The following RRN3 variants were observed in gnomAD, a reference collection of about 807,000 sequenced individuals.
RRN3 encodes the protein RNA polymerase I transcription factor RRN3.
RRN3 carries 38 observed loss-of-function variants against 82.3 expected under a neutral mutation model. The ratio of observed to expected loss-of-function variants is 0.46; its 90% confidence interval spans 0.36 to 0.61. RRN3 has a LOEUF of 0.61. Ranked by LOEUF, RRN3 falls within the 20% of genes least tolerant of loss-of-function variation. RRN3 has a pLI of 0.00. For missense variants in RRN3, 726 were observed against 793.1 expected, an observed-to-expected ratio of 0.92 and a Z score of 1.02; for synonymous variants, 284 against 284.3, an observed-to-expected ratio of 1.00 and a Z score of 0.01.
chr16:15,067,119 T>C (rs1173238583), intron 15 of RRN3, among the ~76,000 whole-genome samples: 2 of 149,732 alleles, frequency 1.3e-5, no homozygotes, highest in African/African-American at 4.9e-5. Flanking sequence ...TCCTTTACTA[T>C]CACTGAGACT....
At chr16:15,092,658 T>A (rs755134010) in intron 1 of RRN3, 44 bp from the exon 2 acceptor site, 22 of 1,201,300 alleles carry the variant, frequency 1.8e-5, no homozygotes, top group East Asian at 4.7e-5. Flanking sequence ...ATGAAAATAA[T>A]AAAAATTATA....
chr16:15,078,872 C>T (rs1180702488), intron 9 of RRN3, among the ~76,000 whole-genome samples: 8 of 148,346 alleles, frequency 5.4e-5, no homozygotes, highest in African/African-American at 1.3e-4. Context: ...AGCGGAGTGG[C>T]GCAATCTCGG....
chr16:15,079,400 C>T (rs1370638462), intron 9 of RRN3, among the ~76,000 whole-genome samples: 2 of 152,184 alleles, frequency 1.3e-5, no homozygotes, highest in Non-Finnish European at 1.5e-5. Flanking sequence ...TTCCTGACCC[C>T]ACTGTGATTC....
At chr16:15,075,007 T>C (rs1011072376) in intron 10 of RRN3, 146 bp from the exon 11 acceptor site, 1 of 794,888 alleles carries the variant, frequency 1.3e-6, no homozygotes, top group East Asian at 2.8e-5. Flanking sequence ...CCCAGCACTT[T>C]GGGAAGCAGA....
intron 10 of RRN3, among the ~76,000 whole-genome samples, chr16:15,075,435 C>T (rs1409089964): frequency 1.3e-5 from 2 of 151,394 alleles, no homozygotes; most frequent in East Asian, 2.0e-4. Flanking sequence ...TAGCTGGGTG[C>T]GGTGGTACAC....
intron 9 of RRN3, 45 bp from the exon 10 acceptor site, chr16:15,076,695 T>C (rs2045470899): frequency 3.0e-6 from 4 of 1,339,618 alleles, no homozygotes; most frequent in Non-Finnish European, 4.3e-6. Context: ...ATTTAAAAAA[T>C]ACAACTATGT....
intron 9 of RRN3, among the ~76,000 whole-genome samples, chr16:15,077,554 T>C (rs2045513593): frequency 6.6e-6 from 1 of 152,016 alleles, no homozygotes; most frequent in African/African-American, 2.4e-5. Context: ...ATTAAACCTC[T>C]TTTTTGGCCA....
At chr16:15,080,819 T>G (rs2045666044) in intron 8 of RRN3, among the ~76,000 whole-genome samples, 2 of 75,642 alleles carry the variant, frequency 2.6e-5, no homozygotes, top group Admixed American at 3.7e-4. Flanking sequence ...AGTCTTTCTA[T>G]GAATCTGCCT....
In RRN3 at chr16:15,094,240, G is replaced by A. The variant is rs1200858510; in HGVS notation, c.-7C>T. 3.8e-6 allele frequency: 6 copies of A among 1,571,536 alleles called. No individual in the cohort carries two copies. Among genetic ancestry groups the A allele is most frequent in the Admixed American group, 1.9e-5 (1 of 53,790 alleles). ...GAAGCAGCGGTGCCGCCATTGGGCCGAACTAACGCGACCGCTGCGCCTCAG... is the reference window on the plus strand; with the variant it reads ...GAAGCAGCGGTGCCGCCATTGGGCCAAACTAACGCGACCGCTGCGCCTCAG... On this transcript the variant is annotated 5_prime_UTR_variant, in exon 1 of 18. Coordinates refer to ENST00000198767, the MANE Select transcript of RRN3 (RefSeq NM_018427.5).
intron 12 of RRN3, among the ~76,000 whole-genome samples, chr16:15,072,561 C>T (rs28447430): frequency 5.3e-5 from 8 of 152,018 alleles, no homozygotes; most frequent in Non-Finnish European, 1.0e-4. Flanking sequence ...CAACGCTTTG[C>T]GGGGCAGGAG....
At chr16:15,073,832 T>C (rs982024634) in intron 11 of RRN3, among the ~76,000 whole-genome samples, 2 of 152,148 alleles carry the variant, frequency 1.3e-5, no homozygotes, top group African/African-American at 4.8e-5. Context: ...TTGCCCAGGA[T>C]AGTTAGTCTT....
chr16:15,086,551 G>C, intron 3 of RRN3, 97 bp from the exon 4 acceptor site: 1 of 1,530,920 alleles, frequency 6.5e-7, no homozygotes, highest in Non-Finnish European at 8.8e-7. Context: ...AGAATAGGTT[G>C]GGGGGAAAAG....
chr16:15,066,959 G>C (rs1385597252), intron 15 of RRN3, among the ~76,000 whole-genome samples: 1 of 151,648 alleles, frequency 6.6e-6, no homozygotes, highest in African/African-American at 2.4e-5. Context: ...GCAGTCCTCT[G>C]TCCCCACCCC....
rs565320968 is a variant in RRN3 at position 15,079,998 on chromosome 16, A to C, written c.765T>G (p.Asp255Glu). ...ELIIEKLLKL[D>E]VNASRQGIED... ...TAAAAATAGATTACTCAATACTTAC[A>C]TCCAACTTGAGTAGTTTTTCAATAA... Residue 255 changes from aspartate to glutamate, a missense_variant and splice_region_variant, in exon 9 of 18, where the codon GAT becomes GAG. Physicochemically the swap from Asp to Glu is conservative, Grantham distance 45. This residue lies in a region of RRN3 where 344 missense variants were observed against 394.5 expected (regional missense o/e 0.87). Transcript: ENST00000198767. 1.6e-5 allele frequency: 25 copies of C among 1,591,962 alleles called. No homozygotes were observed. The highest frequency in any genetic ancestry group is 2.1e-5 in the Non-Finnish European group (25 of 1,168,676).
At chr16:15,070,980 A>G in intron 13 of RRN3, 141 bp downstream of exon 13, 1 of 621,918 alleles carries the variant, frequency 1.6e-6, no homozygotes, top group Non-Finnish European at 2.7e-6. Flanking sequence ...ACTTAGAAAT[A>G]TAAACATCTT....
chr16:15,078,076 G>A (rs1341424874), intron 9 of RRN3, among the ~76,000 whole-genome samples: 7 of 152,108 alleles, frequency 4.6e-5, no homozygotes, highest in African/African-American at 1.7e-4. Context: ...CTCAAACCAT[G>A]CCATTTTTTA....
chr16:15,061,768 C>T lies in RRN3; in HGVS notation c.1932G>A (p.Leu644=), dbSNP rs758064647. The T allele has an allele frequency of 5.0e-6, 8 of 1,613,860 alleles. No individual in the cohort carries two copies. The highest frequency in any genetic ancestry group is 6.8e-6 in the Non-Finnish European group (8 of 1,179,714). ...GTCAGAGGGGACTGGGTTGCATGTA[C>T]AACACGGGTGGGGAGCCCACACTAC... ...PSSSVGSPPV[L]YMQPSPL The change falls in exon 18 of 18, where the codon TTG becomes TTA. Residue 644 remains leucine, a synonymous_variant. Transcript: ENST00000198767.
Position 15,086,422 on chromosome 16 carries a change from G to T in RRN3, c.285C>A (p.Phe95Leu), listed in dbSNP as rs1317640536. The change falls in exon 4 of 18, where the codon TTC becomes TTA. Residue 95 changes from phenylalanine (F) to leucine (L), a missense_variant. Around this residue, in one of 4 missense-constraint regions of RRN3, gnomAD observed 344 missense variants for 394.5 expected, o/e 0.87. Transcript: ENST00000198767. ...TTGTCAAGTACATGATAGAAGAACG[G>T]AATTCTAGCAGCCAGTTGATGATCT... is the stretch of plus-strand genomic sequence containing the variant. The part of the protein sequence containing the change: ...DDQIINWLLE[F>L]RSSIMYLTKD... The T allele has an allele frequency of 1.2e-6, 2 of 1,613,404 alleles. No individual in the cohort carries two copies. The highest frequency in any genetic ancestry group is 2.7e-5 in the African/African-American group (2 of 74,886).
At chr16:15,063,639 A>G (rs1397635328) in intron 16 of RRN3, among the ~76,000 whole-genome samples, 1 of 144,080 alleles carries the variant, frequency 6.9e-6, no homozygotes, top group African/African-American at 2.5e-5. Flanking sequence ...TGGGAGACGG[A>G]GCTTGCAGCG....
Sources: gnomAD v4.1 joint callset for allele counts (sites outside exome capture counted in the v4.1 genomes callset) on GRCh38, gnomAD v4.1.1 for gene constraint, gnomAD v4.1.1 regional missense constraint, MANE v1.5 for transcripts, NCBI Gene and HGNC (gene_info 2026-07-23, HGNC 2026-07-21) for gene names.